Variants in ME3 observed in about 807,000 individuals in gnomAD.
ME3 encodes the protein NADP-dependent malic enzyme, mitochondrial.
ME3 carries 48 observed loss-of-function variants against 68.9 expected under a neutral mutation model. The observed-to-expected ratio is 0.70, with a 90% CI of 0.55 to 0.89. The LOEUF is 0.89. Among genes scored for constraint, ME3 ranks in the 40% least tolerant of loss-of-function variants. ME3 has a pLI of 0.00. For missense variants in ME3, 675 were observed against 797.4 expected (o/e 0.85, Z 1.85); for synonymous variants, 320 against 318.8 (o/e 1.00, Z -0.04).
At chr11:86,592,285 T>C (rs1565182073) in intron 2 of ME3, among the ~76,000 whole-genome samples, 2 of 152,152 alleles carry the variant, frequency 1.3e-5, no homozygotes, top group Admixed American at 1.3e-4. Flanking sequence ...CACCAGACAA[T>C]TGCTTCACAA....
intron 4 of ME3, among the ~76,000 whole-genome samples, chr11:86,519,408 C>T (rs1565890540): frequency 2.0e-5 from 3 of 152,152 alleles, no homozygotes; most frequent in Non-Finnish European, 2.9e-5. Flanking sequence ...ACCCTTATCT[C>T]GGCCTGTAGA....
intron 2 of ME3, among the ~76,000 whole-genome samples, chr11:86,624,485 A>G (rs962570027): frequency 4.6e-5 from 7 of 152,162 alleles, no homozygotes; most frequent in East Asian, 1.9e-4. Context: ...CTTATTCCCA[A>G]TGCCCCACTC....
At chr11:86,522,825 C>T (rs528375675) in intron 4 of ME3, among the ~76,000 whole-genome samples, 9 of 152,166 alleles carry the variant, frequency 5.9e-5, no homozygotes, top group South Asian at 2.1e-4. Flanking sequence ...CAACTATTTA[C>T]GTAGAATTTA....
chr11:86,478,353 TAAAG>T (rs1477795944), intron 7 of ME3, among the ~76,000 whole-genome samples: 3 of 121,512 alleles, frequency 2.5e-5, no homozygotes, highest in Admixed American at 1.6e-4. Context: ...AAAAAAAGGT[TAAAG>T]AAAAGCAATA....
intron 2 of ME3, among the ~76,000 whole-genome samples, chr11:86,576,496 G>C (rs1340576063): frequency 6.6e-6 from 1 of 152,150 alleles, no homozygotes; most frequent in African/African-American, 2.4e-5. Flanking sequence ...TCTCAGAGTG[G>C]GGCTCAGGAG....
intron 4 of ME3, among the ~76,000 whole-genome samples, chr11:86,526,577 G>A (rs1954764259): frequency 6.6e-6 from 1 of 152,182 alleles, no homozygotes; most frequent in Admixed American, 6.5e-5. Context: ...TCCTCAAGTG[G>A]GTCCCTGACC....
chr11:86,595,709 A>G (rs1959332012), intron 2 of ME3, among the ~76,000 whole-genome samples: 1 of 152,130 alleles, frequency 6.6e-6, no homozygotes, highest in South Asian at 2.1e-4. Context: ...GGCCCTCACT[A>G]TTTCTACTAC....
chr11:86,660,153 T>A (rs1221969847), intron 2 of ME3, among the ~76,000 whole-genome samples: 1 of 152,208 alleles, frequency 6.6e-6, no homozygotes, highest in Non-Finnish European at 1.5e-5. Flanking sequence ...CACTAAAGTC[T>A]CCACCCAGTC....
chr11:86,630,678 A>G (rs920353947), intron 2 of ME3, among the ~76,000 whole-genome samples: 3 of 152,130 alleles, frequency 2.0e-5, no homozygotes, highest in Non-Finnish European at 4.4e-5. Flanking sequence ...GAGACAACAC[A>G]CTCTTTGGCA....
chr11:86,597,297 G>A (rs1959657098), intron 2 of ME3, among the ~76,000 whole-genome samples: 1 of 152,220 alleles, frequency 6.6e-6, no homozygotes, highest in Non-Finnish European at 1.5e-5. Flanking sequence ...GTGAGCTTCT[G>A]GCCCAGAGTT....
chr11:86,519,211 A>T (rs969366888), intron 4 of ME3, among the ~76,000 whole-genome samples: 6 of 152,238 alleles, frequency 3.9e-5, no homozygotes, highest in African/African-American at 1.4e-4. Context: ...TTGGAATTTC[A>T]TCAAGGCAAG....
intron 2 of ME3, among the ~76,000 whole-genome samples, chr11:86,641,850 T>A (rs1938922): frequency 0.35 from 53,651 of 152,068 alleles, 11,000 homozygotes; most frequent in Non-Finnish European, 0.46. Context: ...GTATTTTTGT[T>A]CCTGATGCTA....
intron 11 of ME3, 26 bp from the exon 12 acceptor site, chr11:86,447,233 G>C: frequency 3.7e-6 from 6 of 1,611,690 alleles, no homozygotes; most frequent in Non-Finnish European, 5.1e-6. Flanking sequence ...GGGTAGTGGG[G>C]ATGCCTGCTC....
At chr11:86,519,683 GA>G (rs150660265) in intron 4 of ME3, among the ~76,000 whole-genome samples, 3,691 of 152,318 alleles carry the variant, frequency 0.024, 53 homozygotes, top group Non-Finnish European at 0.039. Flanking sequence ...CCTGTCCTCT[GA>G]GAACCTGCAA....
rs71040240 is a variant in ME3 at position 86,481,208 on chromosome 11, AT to A, written c.809+6128del. ...AAGCGAGTGCCACCACACCCAGCTG[AT>A]TTTTTTTTTTTTTTTTTTTTTTTTG... is the stretch of plus-strand genomic sequence containing the variant. On this transcript the variant is annotated intron_variant, in intron 7 of 14. Transcript: ENST00000543262. 5.3e-3 allele frequency among the ~76,000 whole-genome samples: 564 copies of A among 105,798 alleles called. 2 individuals are homozygous for A. Among genetic ancestry groups the A allele is most frequent in the African/African-American group, 0.014 (362 of 25,906 alleles). 69.4% of individuals were successfully genotyped at this position (105,798 alleles called of 152,430 possible).
intron 2 of ME3, among the ~76,000 whole-genome samples, chr11:86,647,859 A>G (rs1945132756): frequency 6.6e-6 from 1 of 152,114 alleles, no homozygotes; most frequent in South Asian, 2.1e-4. Flanking sequence ...GAGACATAAA[A>G]TCAACAAGGA....
chr11:86,504,936 C>T (rs914794485), intron 5 of ME3, among the ~76,000 whole-genome samples: 4 of 152,190 alleles, frequency 2.6e-5, no homozygotes, highest in African/African-American at 9.7e-5. Flanking sequence ...AGTGATCCGC[C>T]CGCCTCAGCC....
intron 2 of ME3, among the ~76,000 whole-genome samples, chr11:86,560,773 T>TATATATA (rs57467556): frequency 5.0e-5 from 7 of 140,102 alleles, no homozygotes; most frequent in Non-Finnish European, 6.1e-5. Context: ...TATATATATA[T>TATATATA]TTCCAGGACC....
intron 2 of ME3, among the ~76,000 whole-genome samples, chr11:86,642,935 A>G (rs953934705): frequency 6.6e-6 from 1 of 152,166 alleles, no homozygotes; most frequent in Admixed American, 6.5e-5. Flanking sequence ...AGACAGAGGA[A>G]TGTGATATCT....
Sources: gnomAD v4.1 joint callset for allele counts (sites outside exome capture counted in the v4.1 genomes callset) on GRCh38, gnomAD v4.1.1 for gene constraint, MANE v1.5 for transcripts, NCBI Gene and HGNC (gene_info 2026-07-23, HGNC 2026-07-21) for gene names.